Variants in KCNN2 observed in about 807,000 individuals in gnomAD.
KCNN2 encodes small conductance calcium-activated potassium channel protein 2.
Under a neutral mutation model 55.5 loss-of-function variants are expected in KCNN2, and 24 were observed. That is an observed-to-expected ratio of 0.43 (90% CI 0.31 to 0.61). The LOEUF (loss-of-function observed/expected upper bound fraction) is 0.61, where lower values mean the gene tolerates loss of function less well. Among genes scored for constraint, KCNN2 ranks in the 20% least tolerant of loss-of-function variants. KCNN2 has a pLI of 0.08. For missense variants in KCNN2, 754 were observed against 853.6 expected (o/e 0.88, Z 1.45); for synonymous variants, 431 against 336.1 (o/e 1.28, Z -3.09).
Position 114,496,136 on chromosome 5 carries a change from G to A in KCNN2, c.2330G>A (p.Arg777Gln), listed in dbSNP as rs375988022. 16 of 1,613,860 alleles carry A rather than the reference G, an allele frequency of 9.9e-6. No individual in the cohort carries two copies. Among genetic ancestry groups the A allele is most frequent in the African/African-American group, 8.0e-5 (6 of 74,900 alleles). The change falls in exon 8 of 8, where the codon CGG (arginine) becomes CAG (glutamine). Residue 777 changes from arginine (R) to glutamine (Q), a missense_variant. This residue lies in a region of KCNN2 where 164 missense variants were observed against 156.6 expected (regional missense o/e 1.05). Transcript: ENST00000673685. Reference protein sequence around the residue: ...AERSRSSSRRRRSSSTAPPTS... With the variant: ...AERSRSSSRRQRSSSTAPPTS... ...CGGTCCCGGTCCTCGTCCAGGAGGC[G>A]GCGGTCCTCTTCCACAGCACCACCA...
chr5:114,279,543 A>G (rs1438657300), intron 2 of KCNN2, among the ~76,000 whole-genome samples: 1 of 152,046 alleles, frequency 6.6e-6, no homozygotes, highest in Admixed American at 6.5e-5. Flanking sequence ...GAGTGAGAAC[A>G]TGTGGTGTTT....
chr5:114,312,340 CT>C (rs1756404672), intron 2 of KCNN2, among the ~76,000 whole-genome samples: 4 of 146,348 alleles, frequency 2.7e-5, no homozygotes, highest in Admixed American at 2.1e-4. Context: ...TGGCTTGCCC[CT>C]AAGACATTTC....
intron 2 of KCNN2, among the ~76,000 whole-genome samples, chr5:114,294,847 C>T (rs923332568): frequency 6.6e-6 from 1 of 152,072 alleles, no homozygotes; most frequent in African/African-American, 2.4e-5. Flanking sequence ...CTTTATGAAT[C>T]TGGGTGCTCC....
intron 2 of KCNN2, among the ~76,000 whole-genome samples, chr5:114,225,331 A>G (rs563812494): frequency 2.0e-5 from 3 of 152,342 alleles, no homozygotes; most frequent in African/African-American, 7.2e-5. Context: ...GATATTAAAA[A>G]TGACGGAAAA....
At chr5:114,368,379 C>G (rs1014290260) in intron 2 of KCNN2, among the ~76,000 whole-genome samples, 1 of 152,090 alleles carries the variant, frequency 6.6e-6, no homozygotes, top group African/African-American at 2.4e-5. Flanking sequence ...CTCTATAGCT[C>G]TATAATCGGA....
intron 1 of KCNN2, among the ~76,000 whole-genome samples, chr5:114,172,917 T>C (rs1307923511): frequency 1.3e-5 from 2 of 151,960 alleles, no homozygotes; most frequent in Non-Finnish European, 2.9e-5. Flanking sequence ...TCCTTTGATA[T>C]GCAGAAGCTT....
intron 2 of KCNN2, among the ~76,000 whole-genome samples, chr5:114,309,661 G>A (rs1003367768): frequency 2.0e-5 from 3 of 152,160 alleles, no homozygotes; most frequent in Non-Finnish European, 4.4e-5. Context: ...TTCATGCCAG[G>A]CTAGGTGCTA....
chr5:114,321,549 T>G (rs1405560028), intron 2 of KCNN2, among the ~76,000 whole-genome samples: 2 of 152,192 alleles, frequency 1.3e-5, no homozygotes, highest in African/African-American at 4.8e-5. Context: ...AAGGGTAAAT[T>G]CCAATGTTCT....
At chr5:114,427,440 C>T (rs769631157) in intron 3 of KCNN2, among the ~76,000 whole-genome samples, 12 of 152,116 alleles carry the variant, frequency 7.9e-5, no homozygotes, top group African/African-American at 2.4e-4. Context: ...TGATAGATGA[C>T]GCAGACAGCC....
At chr5:114,153,659 A>T (rs1364337370) in intron 1 of KCNN2, among the ~76,000 whole-genome samples, 1 of 152,208 alleles carries the variant, frequency 6.6e-6, no homozygotes, top group Non-Finnish European at 1.5e-5. Context: ...TACGGTGGAT[A>T]GTAAGCAGCC....
At chr5:114,058,241 G>GGTGT (rs143709848) in intron 1 of KCNN2, among the ~76,000 whole-genome samples, 3 of 150,682 alleles carry the variant, frequency 2.0e-5, no homozygotes, top group Non-Finnish European at 4.4e-5. Flanking sequence ...ACTAGGTAGG[G>GGTGT]GTGTGTGTGT....
At chr5:114,355,801 T>G (rs1757285027) in intron 2 of KCNN2, among the ~76,000 whole-genome samples, 1 of 152,090 alleles carries the variant, frequency 6.6e-6, no homozygotes, top group Admixed American at 6.6e-5. Context: ...TTACCAAAAA[T>G]TAGGAATCTA....
At position 114,171,975 on chromosome 5, in the gene KCNN2, G is replaced by A. The variant is rs540963280; in HGVS notation, c.-270-49505G>A. On this transcript the variant is annotated intron_variant, in intron 1 of 10. Transcript: ENST00000512097. The stretch of plus-strand genomic sequence containing the variant: ...TATGGAGCCCTCTTGTTGTGATAAA[G>A]CAGTGAAGATGAAAAAGATGGAATG... Among the ~76,000 whole-genome samples the A allele has an allele frequency of 2.6e-5, 4 of 151,984 alleles. No homozygotes were observed. The South Asian group carries it at 8.3e-4, about 31-fold the overall frequency.
At chr5:114,393,117 A>G (rs983393070) in intron 2 of KCNN2, among the ~76,000 whole-genome samples, 2 of 152,144 alleles carry the variant, frequency 1.3e-5, no homozygotes, top group African/African-American at 4.8e-5. Flanking sequence ...GTAAATTTAA[A>G]TATAAATCTT....
intron 1 of KCNN2, among the ~76,000 whole-genome samples, chr5:114,117,364 G>A (rs1422844113): frequency 6.6e-6 from 1 of 152,142 alleles, no homozygotes; most frequent in Non-Finnish European, 1.5e-5. Flanking sequence ...GTAACCCTCT[G>A]AGTGCCTCAC....
intron 2 of KCNN2, among the ~76,000 whole-genome samples, chr5:114,288,497 T>TACACAC (rs371769820): frequency 0.18 from 23,205 of 128,218 alleles, 2,158 homozygotes; most frequent in Non-Finnish European, 0.22. Context: ...TATATATATA[T>TACACAC]ATACACACAC....
At chr5:114,094,106 T>C (rs1489847238) in intron 1 of KCNN2, among the ~76,000 whole-genome samples, 1 of 152,202 alleles carries the variant, frequency 6.6e-6, no homozygotes, top group Non-Finnish European at 1.5e-5. Context: ...TTTGCTTTTT[T>C]TGTTTTGCCT....
intron 5 of KCNN2, 98 bp from the exon 6 acceptor site, chr5:114,486,952 C>A: frequency 7.1e-7 from 1 of 1,402,834 alleles, no homozygotes; most frequent in Non-Finnish European, 1.0e-6. Flanking sequence ...GAAGCTACAG[C>A]TCACCATGAT....
At position 114,202,585 on chromosome 5, in the gene KCNN2, A is replaced by ATATTT. The variant is rs1430105677; in HGVS notation, c.-270-18894_-270-18893insATTTT. On this transcript the variant is annotated intron_variant, in intron 1 of 10. Transcript: ENST00000512097. ...TGTGTGTGTATATATATATATATATATTTTTTTTTTTTTTTTCCCGAGACA... is the reference window on the plus strand; with the variant it reads ...TGTGTGTGTATATATATATATATATATATTTTTTTTTTTTTTTTTTTCCCGAGACA... 3.0e-3 allele frequency among the ~76,000 whole-genome samples: 277 copies of ATATTT among 92,114 alleles called. 1 individual carries two copies. Among genetic ancestry groups the ATATTT allele is most frequent in the East Asian group, 4.6e-3 (15 of 3,272 alleles). 60.4% of individuals were successfully genotyped at this position (92,114 alleles called of 152,430 possible).
Sources: gnomAD v4.1 joint callset for allele counts (sites outside exome capture counted in the v4.1 genomes callset) on GRCh38, gnomAD v4.1.1 for gene constraint, gnomAD v4.1.1 regional missense constraint, MANE v1.5 for transcripts, NCBI Gene and HGNC (gene_info 2026-07-23, HGNC 2026-07-21) for gene names.